Variants in ANKRD55 observed in about 807,000 individuals in gnomAD.
ANKRD55 encodes the protein ankyrin repeat domain-containing protein 55.
A neutral mutation model predicts 60.6 loss-of-function variants in ANKRD55; 41 were observed. The observed-to-expected ratio is 0.68, with a 90% CI of 0.53 to 0.88. ANKRD55 has a LOEUF of 0.88. Ranked by LOEUF, ANKRD55 falls within the 40% of genes least tolerant of loss-of-function variation. The pLI, the probability that ANKRD55 is intolerant of heterozygous loss-of-function variation, is 0.00. For synonymous variants in ANKRD55, 264 were observed against 290.3 expected (o/e 0.91, Z 0.92); for missense variants, 732 against 767.6 (o/e 0.95, Z 0.55).
At chr5:56,121,463 CTG>C (rs1471023581) in intron 8 of ANKRD55, among the ~76,000 whole-genome samples, 5 of 151,048 alleles carry the variant, frequency 3.3e-5, no homozygotes, top group Non-Finnish European at 2.9e-5. Context: ...ACCTCCGCCC[CTG>C]GGGTTCAAGC....
rs188237284 is a variant in ANKRD55, at chr5:56,132,176, C to T, written c.613-5070G>A. 4.0e-3 allele frequency among the ~76,000 whole-genome samples: 600 copies of T among 151,548 alleles called. 4 individuals are homozygous for T. The highest frequency in any genetic ancestry group is 0.021 in the South Asian group (99 of 4,814). ...TATAGTGTTATTTTGAAGTGGATTT[C>T]GATTAGTTGTAAACATACTTGGTAT... is the stretch of plus-strand genomic sequence containing the variant. On this transcript the variant is annotated intron_variant, in intron 7 of 11. Transcript: ENST00000341048.
chr5:56,139,085 C>T lies in ANKRD55; in HGVS notation c.612+4716G>A, dbSNP rs182644676. On this transcript the variant is annotated intron_variant, in intron 7 of 11. Coordinates refer to ENST00000341048, the MANE Select transcript of ANKRD55 (RefSeq NM_024669.3). The stretch of plus-strand genomic sequence containing the variant: ...GGGAGGCAATTTATTGTCAGTGGGG[C>T]GGGGGGGCAGAAGATATTAATATGT... Among the ~76,000 whole-genome samples the T allele has an allele frequency of 6.9e-3, 615 of 89,732 alleles. 20 individuals are homozygous for T. The highest frequency in any genetic ancestry group is 0.066 in the Admixed American group (518 of 7,868). 58.9% of individuals were successfully genotyped at this position (89,732 alleles called of 152,430 possible). A position where few individuals can be genotyped will look rare whatever the true frequency, so the allele number is the denominator to read the frequency against.
chr5:56,173,578 C>CTATATATATATA (rs1211689978), intron 4 of ANKRD55, among the ~76,000 whole-genome samples: 3 of 71,662 alleles, frequency 4.2e-5, no homozygotes, highest in Non-Finnish European at 7.6e-5. Flanking sequence ...CTCTCTCTCT[C>CTATATATATATA]TCTCTATATA....
At chr5:56,227,307 G>A (rs1388097118) in intron 2 of ANKRD55, among the ~76,000 whole-genome samples, 1 of 148,334 alleles carries the variant, frequency 6.7e-6, no homozygotes, top group Non-Finnish European at 1.5e-5. Flanking sequence ...TTGGACACAG[G>A]GTGGGGAACA....
At chr5:56,162,736 C>A (rs1758363888) in intron 5 of ANKRD55, among the ~76,000 whole-genome samples, 1 of 150,692 alleles carries the variant, frequency 6.6e-6, no homozygotes. Context: ...GTGGCACAAT[C>A]ACAGTTCACT....
rs554139334 is a variant in ANKRD55 at position 56,121,570 on chromosome 5, AC to A, written c.798-4789del. 3.7e-3 allele frequency among the ~76,000 whole-genome samples: 560 copies of A among 151,964 alleles called. 6 individuals are homozygous for A. Among genetic ancestry groups the A allele is most frequent in the African/African-American group, 0.013 (533 of 41,412 alleles). ...GTATTTTTAGTAGAGATGAGGTTTC[AC>A]CATGTTGGCCAGGCTGGTCTCGATC... is the stretch of plus-strand genomic sequence containing the variant. On this transcript the variant is annotated intron_variant, in intron 8 of 11. Transcript: ENST00000341048.
intron 10 of ANKRD55, among the ~76,000 whole-genome samples, chr5:56,104,767 G>A (rs142956701): frequency 6.6e-5 from 10 of 152,276 alleles, no homozygotes; most frequent in South Asian, 2.1e-4. Context: ...AAAGCAAGGC[G>A]TTCAGGAGGG....
chr5:56,159,652 G>A (rs1394354148), intron 6 of ANKRD55, among the ~76,000 whole-genome samples, 181 bp downstream of exon 6: 6 of 152,324 alleles, frequency 3.9e-5, no homozygotes, highest in South Asian at 4.1e-4. Context: ...CACACCCATG[G>A]TGGGGATAAG....
Position 56,127,060 on chromosome 5 carries a change from C to G in ANKRD55, c.659G>C (p.Gly220Ala), listed in dbSNP as rs773608846. The change falls in exon 8 of 12, where the codon GGG becomes GCG. Residue 220 changes from glycine (G) to alanine (A), a missense_variant. By Grantham distance (60) the Gly-to-Ala change is moderately conservative. Transcript: ENST00000341048. ...ATCATCATAGTTGATTATGGACGGCCCCTGGTGATGGCTCAGAATGATGGA... is the reference window on the plus strand; with the variant it reads ...ATCATCATAGTTGATTATGGACGGCGCCTGGTGATGGCTCAGAATGATGGA... ...LCSIILSHHQ[G>A]PSIINYDDES... The G allele has an allele frequency of 5.6e-6, 9 of 1,613,430 alleles. 1 individual carries two copies. Among genetic ancestry groups the G allele is most frequent in the Middle Eastern group, 3.3e-4 (2 of 6,084 alleles).
chr5:56,225,378 T>C (rs1034857200), intron 2 of ANKRD55, among the ~76,000 whole-genome samples: 2 of 152,214 alleles, frequency 1.3e-5, no homozygotes, highest in Non-Finnish European at 2.9e-5. Flanking sequence ...GCCAATATCA[T>C]ACTGAATGGA....
At chr5:56,163,235 C>T (rs923198812) in intron 5 of ANKRD55, among the ~76,000 whole-genome samples, 5 of 152,166 alleles carry the variant, frequency 3.3e-5, no homozygotes, top group Admixed American at 3.3e-4. Flanking sequence ...CCCTTCCTGG[C>T]TTGCCAAGAC....
intron 8 of ANKRD55, chr5:56,125,734 G>A (rs1022911914): frequency 6.6e-6 from 1 of 151,974 alleles, no homozygotes; most frequent in African/African-American, 2.4e-5. Flanking sequence ...CCCTGCGCAG[G>A]GATGACACAC....
chr5:56,216,136 G>A (rs116226046), intron 2 of ANKRD55, among the ~76,000 whole-genome samples: 2,377 of 151,646 alleles, frequency 0.016, 50 homozygotes, highest in African/African-American at 0.054. Flanking sequence ...GGAAATAGAT[G>A]TGAATATTTT....
chr5:56,141,130 GTTTTTTTT>G (rs33972955), intron 7 of ANKRD55, among the ~76,000 whole-genome samples: 49 of 111,766 alleles, frequency 4.4e-4, no homozygotes, highest in African/African-American at 1.5e-3. Context: ...TGCACACACA[GTTTTTTTT>G]TTTTTTTTTT....
chr5:56,160,657 T>C (rs1388750846), intron 5 of ANKRD55: 1 of 152,240 alleles, frequency 6.6e-6, no homozygotes, highest in Non-Finnish European at 1.5e-5. Flanking sequence ...TTTTAATGCA[T>C]AGATTATACC....
At chr5:56,190,079 A>G (rs900343370) in intron 2 of ANKRD55, among the ~76,000 whole-genome samples, 2 of 152,180 alleles carry the variant, frequency 1.3e-5, no homozygotes, top group Non-Finnish European at 2.9e-5. Flanking sequence ...CTCTAATATT[A>G]GTGACAGTGA....
At chr5:56,140,722 C>A (rs938076348) in intron 7 of ANKRD55, among the ~76,000 whole-genome samples, 1 of 152,124 alleles carries the variant, frequency 6.6e-6, no homozygotes, top group Non-Finnish European at 1.5e-5. Context: ...TGCTTCTAAA[C>A]CCTAGCTGCA....
At chr5:56,125,938 A>G (rs1757238406) in intron 8 of ANKRD55, among the ~76,000 whole-genome samples, 1 of 152,048 alleles carries the variant, frequency 6.6e-6, no homozygotes, top group African/African-American at 2.4e-5. Context: ...GTTCAAGACC[A>G]GCCTGGCCAA....
chr5:56,228,046 C>T (rs1290806625), intron 2 of ANKRD55, among the ~76,000 whole-genome samples: 1 of 152,186 alleles, frequency 6.6e-6, no homozygotes, highest in Non-Finnish European at 1.5e-5. Context: ...TTTCTGGGAT[C>T]TGACCTCTTC....
Sources: gnomAD v4.1 joint callset for allele counts (sites outside exome capture counted in the v4.1 genomes callset) on GRCh38, gnomAD v4.1.1 for gene constraint, MANE v1.5 for transcripts, NCBI Gene and HGNC (gene_info 2026-07-23, HGNC 2026-07-21) for gene names.